SAMD5: variants seen among roughly 807,000 people sequenced by gnomAD.
SAMD5 encodes the protein sterile alpha motif domain-containing protein 5.
A neutral mutation model predicts 11.3 loss-of-function variants in SAMD5; 13 were observed. The ratio of observed to expected loss-of-function variants is 1.15; its 90% CI spans 0.75 to 1.83. The LOEUF (loss-of-function observed/expected upper bound fraction) is 1.83. Ranked by LOEUF, SAMD5 falls within the 40% of genes most tolerant of loss-of-function variation. The pLI is 0.00. For missense variants in SAMD5, 255 were observed against 239.1 expected (o/e 1.07, Z -0.44); for synonymous variants, 129 against 111.3 (o/e 1.16, Z -1.00).
downstream of SAMD5, among the ~76,000 whole-genome samples, chr6:147,570,980 G>C (rs1287923170): frequency 1.3e-5 from 2 of 152,042 alleles, no homozygotes; most frequent in African/African-American, 4.8e-5. Flanking sequence ...GGGTTCTGTG[G>C]CTCCTTCAAA....
intron 1 of SAMD5, among the ~76,000 whole-genome samples, chr6:147,539,080 T>A (rs767891923): frequency 1.3e-5 from 2 of 152,134 alleles, no homozygotes; most frequent in Non-Finnish European, 2.9e-5. Flanking sequence ...AAAGCATGCA[T>A]TTCTAGGGCC....
At chr6:147,854,217 G>T in the SAMD5 span, among the ~76,000 whole-genome samples, 4 of 152,120 alleles carry the variant, frequency 2.6e-5, no homozygotes, top group African/African-American at 9.7e-5. Context: ...AAACAAAGAG[G>T]CTTGACACAA....
chr6:147,587,600 T>C (rs1325413807), intron 1 of SAMD5, among the ~76,000 whole-genome samples: 1 of 152,186 alleles, frequency 6.6e-6, no homozygotes, highest in Non-Finnish European at 1.5e-5. Context: ...TTGAAAATTT[T>C]GTAAAATAGA....
chr6:147,550,192 A>G (rs1164077789), intron 1 of SAMD5, among the ~76,000 whole-genome samples: 1 of 152,138 alleles, frequency 6.6e-6, no homozygotes, highest in Non-Finnish European at 1.5e-5. Context: ...ACAGTGAGCC[A>G]TGATCACTGC....
At chr6:147,813,913 AT>A in the SAMD5 span, among the ~76,000 whole-genome samples, 2 of 152,170 alleles carry the variant, frequency 1.3e-5, no homozygotes, top group Non-Finnish European at 2.9e-5. Flanking sequence ...TTGTAAGACG[AT>A]TTTGTTAAAT....
chr6:147,909,442 T>C, the SAMD5 span, among the ~76,000 whole-genome samples: 1 of 152,180 alleles, frequency 6.6e-6, no homozygotes. Flanking sequence ...CATAAACTGC[T>C]AATGTCTCCA....
chr6:147,748,513 T>G, the SAMD5 span, among the ~76,000 whole-genome samples: 1 of 152,202 alleles, frequency 6.6e-6, no homozygotes, highest in East Asian at 1.9e-4. Context: ...ATTTTTATCA[T>G]CATTATTATG....
chr6:147,925,555 T>C, the SAMD5 span, among the ~76,000 whole-genome samples: 6 of 152,050 alleles, frequency 3.9e-5, no homozygotes, highest in Non-Finnish European at 8.8e-5. Flanking sequence ...GTATTCCCTA[T>C]GTTTTTGAAA....
At chr6:147,809,320 G>A in the SAMD5 span, among the ~76,000 whole-genome samples, 1 of 152,094 alleles carries the variant, frequency 6.6e-6, no homozygotes, top group Non-Finnish European at 1.5e-5. Flanking sequence ...CAGATTTCTA[G>A]CTGCTATAGC....
chr6:147,719,877 CAGAAAGTTTGAG>C (rs1326249370), intron 1 of SAMD5, among the ~76,000 whole-genome samples: 1 of 152,162 alleles, frequency 6.6e-6, no homozygotes, highest in Non-Finnish European at 1.5e-5. Flanking sequence ...ATGTTTTCTA[CAGAAAGTTTGAG>C]AGAAATGAAT....
At chr6:147,858,774 C>G in the SAMD5 span, among the ~76,000 whole-genome samples, 298 of 152,276 alleles carry the variant, frequency 2.0e-3, 4 homozygotes, top group African/African-American at 6.6e-3. Flanking sequence ...ATTCACTTCT[C>G]ATGCTTAACA....
At position 147,508,994 on chromosome 6, in the gene SAMD5, C is replaced by T. The variant is rs564695962; in HGVS notation, c.66C>T (p.Phe22=). ...AGCTTCCGCAGTACGCGGAGTCCTT[C>T]GTGGATAACGGCTACGATGACCTGG... The part of the protein sequence containing the change: ...ALQLPQYAES[F]VDNGYDDLEV... Residue 22 remains phenylalanine, a synonymous_variant, in exon 1 of 2, where the codon TTC becomes TTT. Transcript: ENST00000367474. 93 of 1,602,722 alleles carry T rather than the reference C, an allele frequency of 5.8e-5. No homozygotes were observed. The highest frequency in any genetic ancestry group is 7.5e-5 in the Non-Finnish European group (88 of 1,175,218).
At chr6:147,574,573 G>T (rs1273129027), downstream of SAMD5, among the ~76,000 whole-genome samples, 1 of 152,196 alleles carries the variant, frequency 6.6e-6, no homozygotes, top group Non-Finnish European at 1.5e-5. Flanking sequence ...GATTTGTGCT[G>T]CTATAACAGA....
At chr6:147,545,074 G>A (rs1225842508) in intron 1 of SAMD5, among the ~76,000 whole-genome samples, 3 of 152,170 alleles carry the variant, frequency 2.0e-5, no homozygotes, top group African/African-American at 7.2e-5. Flanking sequence ...AGTAATTACA[G>A]AGATTTGCTG....
chr6:147,911,884 C>T, the SAMD5 span, among the ~76,000 whole-genome samples: 1 of 152,216 alleles, frequency 6.6e-6, no homozygotes, highest in Non-Finnish European at 1.5e-5. Flanking sequence ...TCTAGAAGGG[C>T]CTCACTCACC....
intron 1 of SAMD5, among the ~76,000 whole-genome samples, chr6:147,714,007 T>C (rs1280035259): frequency 6.6e-6 from 1 of 152,208 alleles, no homozygotes; most frequent in Non-Finnish European, 1.5e-5. Context: ...ATTTGTGGAA[T>C]TAACTGACTC....
chr6:147,801,010 A>G, the SAMD5 span, among the ~76,000 whole-genome samples: 1 of 152,136 alleles, frequency 6.6e-6, no homozygotes, highest in Non-Finnish European at 1.5e-5. Flanking sequence ...ATTGTAATAC[A>G]TGTATTTTAT....
chr6:147,651,538 A>G (rs1378868531), intron 1 of SAMD5, among the ~76,000 whole-genome samples: 1 of 152,192 alleles, frequency 6.6e-6, no homozygotes, highest in Non-Finnish European at 1.5e-5. Context: ...TAGAGCCCTT[A>G]CAAAAGAAGC....
the SAMD5 span, chr6:147,743,107 T>C: frequency 6.6e-6 from 1 of 152,232 alleles, no homozygotes; most frequent in Non-Finnish European, 1.5e-5. Flanking sequence ...TACTTCAATT[T>C]ATTAGAGATA....
Sources: gnomAD v4.1 joint callset for allele counts (sites outside exome capture counted in the v4.1 genomes callset) on GRCh38, gnomAD v4.1.1 for gene constraint, MANE v1.5 for transcripts, NCBI Gene and HGNC (gene_info 2026-07-23, HGNC 2026-07-21) for gene names.